Variants in TMEM117 observed in about 807,000 individuals in gnomAD.
TMEM117 encodes transmembrane protein 117.
In TMEM117, 27 loss-of-function variants were observed where a neutral mutation model predicts 52.4. The ratio of observed to expected loss-of-function variants is 0.51; its 90% CI spans 0.38 to 0.71. TMEM117 has a LOEUF of 0.71. Ranked by LOEUF, TMEM117 falls within the 30% of genes least tolerant of loss-of-function variation. The probability of loss-of-function intolerance (pLI) is 0.00; values close to 1 mark genes in which losing one functional copy is unlikely to be tolerated. For synonymous variants in TMEM117, 215 were observed against 206.3 expected (o/e 1.04, Z -0.36); for missense variants, 556 against 630.5 (o/e 0.88, Z 1.26).
chr12:43,953,501 C>G lies in TMEM117; in HGVS notation c.410+9159C>G, dbSNP rs187309590. Among the ~76,000 whole-genome samples the G allele has an allele frequency of 2.2e-4, 33 of 152,156 alleles. No homozygotes were observed. In the East Asian group the frequency reaches 4.8e-3, roughly 22 times the overall value. ...GCAGAAAATAGCAGGAGTTGCAATCCTAGCTTCTGACAAAATAGACTTTAA... is the reference window on the plus strand; with the variant it reads ...GCAGAAAATAGCAGGAGTTGCAATCGTAGCTTCTGACAAAATAGACTTTAA... On this transcript the variant is annotated intron_variant, in intron 3 of 7. Coordinates refer to ENST00000266534, the MANE Select transcript of TMEM117 (RefSeq NM_032256.3).
chr12:43,981,545 C>G (rs73085767), intron 3 of TMEM117, among the ~76,000 whole-genome samples: 12 of 152,070 alleles, frequency 7.9e-5, no homozygotes, highest in Middle Eastern at 3.4e-3. Flanking sequence ...TAGAAGTGTT[C>G]GAGAAACTGT....
Position 43,992,077 on chromosome 12 carries a change from C to A in TMEM117, c.410+47735C>A, listed in dbSNP as rs188416016. Reference sequence around the variant, plus strand: ...ACTCAGGAGGCTGAGGTGGGAGGATCACTTGAGCCTGGGAGGTGGAGGTTG... The same window carrying A: ...ACTCAGGAGGCTGAGGTGGGAGGATAACTTGAGCCTGGGAGGTGGAGGTTG... On this transcript the variant is annotated intron_variant, in intron 3 of 7. Coordinates refer to ENST00000266534, the MANE Select transcript of TMEM117 (RefSeq NM_032256.3). Among the ~76,000 whole-genome samples the A allele has an allele frequency of 1.4e-3, 207 of 151,440 alleles. 3 individuals carry two copies. The East Asian group carries it at 0.024, about 18-fold the overall frequency.
At chr12:43,946,378 GT>G (rs1244597058) in intron 3 of TMEM117, among the ~76,000 whole-genome samples, 234 of 113,472 alleles carry the variant, frequency 2.1e-3, no homozygotes, top group African/African-American at 8.8e-3. Flanking sequence ...ATATAATTCT[GT>G]TTTTTTTTTT....
intron 3 of TMEM117, among the ~76,000 whole-genome samples, chr12:44,025,304 T>A (rs1292666034): frequency 6.6e-6 from 1 of 152,216 alleles, no homozygotes; most frequent in Non-Finnish European, 1.5e-5. Flanking sequence ...TGCAGCTGAT[T>A]GGATTCATCC....
chr12:44,273,827 T>A (rs920547040), intron 5 of TMEM117, among the ~76,000 whole-genome samples: 1 of 152,044 alleles, frequency 6.6e-6, no homozygotes, highest in South Asian at 2.1e-4. Flanking sequence ...CACCTCAGCA[T>A]AATAAAAGCC....
chr12:43,805,339 C>T, the TMEM117 span, among the ~76,000 whole-genome samples: 1 of 152,156 alleles, frequency 6.6e-6, no homozygotes, highest in Admixed American at 6.5e-5. Flanking sequence ...TATTTTGCTT[C>T]TGCGTGCGTG....
chr12:43,920,866 T>C (rs1197992383), intron 2 of TMEM117, among the ~76,000 whole-genome samples: 1 of 152,220 alleles, frequency 6.6e-6, no homozygotes, highest in Non-Finnish European at 1.5e-5. Flanking sequence ...AAGTATAATA[T>C]CTTAGCCAGA....
intron 3 of TMEM117, among the ~76,000 whole-genome samples, chr12:44,025,152 G>A (rs972126548): frequency 6.6e-6 from 1 of 152,142 alleles, no homozygotes; most frequent in Non-Finnish European, 1.5e-5. Context: ...GTTTTGAGGA[G>A]TCAATGAAGC....
chr12:44,304,154 C>T (rs971973773), intron 6 of TMEM117, among the ~76,000 whole-genome samples: 1 of 152,188 alleles, frequency 6.6e-6, no homozygotes, highest in African/African-American at 2.4e-5. Context: ...CATCCCCCAG[C>T]AGTGGCCACG....
intron 2 of TMEM117, among the ~76,000 whole-genome samples, chr12:43,885,168 A>G (rs1943969181): frequency 1.3e-5 from 2 of 152,202 alleles, no homozygotes; most frequent in Non-Finnish European, 2.9e-5. Flanking sequence ...CGTAGCAATC[A>G]CAGTCTCTTG....
At chr12:43,863,283 C>CAAACAAAA (rs1555178365) in intron 2 of TMEM117, among the ~76,000 whole-genome samples, 40 of 148,148 alleles carry the variant, frequency 2.7e-4, no homozygotes, top group East Asian at 8.1e-4. Context: ...AACAAACAAA[C>CAAACAAAA]AAAACTTCAA....
intron 3 of TMEM117, among the ~76,000 whole-genome samples, chr12:43,986,972 G>C (rs1187705327): frequency 6.6e-6 from 1 of 151,788 alleles, no homozygotes; most frequent in Non-Finnish European, 1.5e-5. Context: ...ACAGTTATGG[G>C]CTAAAGGGCT....
intron 4 of TMEM117, among the ~76,000 whole-genome samples, chr12:44,182,875 G>A (rs17094183): frequency 2.0e-5 from 3 of 151,810 alleles, no homozygotes; most frequent in Non-Finnish European, 4.4e-5. Context: ...AACAAAAAAC[G>A]CTTTTAATCC....
At chr12:44,298,780 A>G (rs1317525126) in intron 5 of TMEM117, among the ~76,000 whole-genome samples, 1 of 150,870 alleles carries the variant, frequency 6.6e-6, no homozygotes, top group African/African-American at 2.5e-5. Flanking sequence ...TATATGTCCT[A>G]TGAGAACAGG....
chr12:44,026,413 C>T (rs551529637), intron 3 of TMEM117, among the ~76,000 whole-genome samples: 2 of 152,172 alleles, frequency 1.3e-5, no homozygotes, highest in South Asian at 4.1e-4. Flanking sequence ...TTGCTTTTCC[C>T]TGGGTTTCCA....
the TMEM117 span, chr12:43,796,854 G>T: frequency 4.8e-6 from 5 of 1,047,478 alleles, no homozygotes; most frequent in Non-Finnish European, 7.0e-6. Flanking sequence ...AGATCCTAAG[G>T]ATTTAGGATG....
chr12:43,974,940 G>T (rs1189439960), intron 3 of TMEM117, among the ~76,000 whole-genome samples: 1 of 152,116 alleles, frequency 6.6e-6, no homozygotes, highest in African/African-American at 2.4e-5. Flanking sequence ...GCCCAGGAAG[G>T]TCAGGAAGGT....
chr12:44,186,378 T>G (rs1273380000), intron 4 of TMEM117, among the ~76,000 whole-genome samples: 2 of 152,144 alleles, frequency 1.3e-5, no homozygotes, highest in Non-Finnish European at 2.9e-5. Flanking sequence ...GAGGCAGATA[T>G]CCTTCATTCT....
chr12:43,848,268 G>T (rs192829336), intron 2 of TMEM117, among the ~76,000 whole-genome samples: 3 of 152,104 alleles, frequency 2.0e-5, no homozygotes, highest in African/African-American at 7.2e-5. Flanking sequence ...GTAGAGAACC[G>T]GTCTGACCAC....
Sources: allele counts gnomAD v4.1 joint callset (sites outside exome capture counted in the v4.1 genomes callset), GRCh38; gene constraint gnomAD v4.1.1; transcripts MANE v1.5; gene names NCBI Gene and HGNC (gene_info 2026-07-23, HGNC 2026-07-21).